ATXN7L1: variants seen among roughly 807,000 people sequenced by gnomAD.
ATXN7L1 encodes ataxin-7-like protein 1.
Under a neutral mutation model 70.8 loss-of-function variants are expected in ATXN7L1, and 15 were observed. The observed-to-expected ratio is 0.21, with a 90% CI of 0.14 to 0.33. The LOEUF is 0.33. Among genes scored for constraint, ATXN7L1 ranks in the 10% least tolerant of loss-of-function variants. The pLI is 1.00. For missense variants in ATXN7L1, 975 were observed against 1,097.1 expected (o/e 0.89, Z 1.57); for synonymous variants, 440 against 445.1 (o/e 0.99, Z 0.14).
chr7:105,735,351 C>G (rs1222563892), intron 3 of ATXN7L1, among the ~76,000 whole-genome samples: 2 of 152,196 alleles, frequency 1.3e-5, no homozygotes, highest in Non-Finnish European at 2.9e-5. Flanking sequence ...GACCTTCCAT[C>G]AAGTTATGCG....
chr7:105,685,205 C>T (rs372785179), intron 3 of ATXN7L1, among the ~76,000 whole-genome samples: 101 of 152,282 alleles, frequency 6.6e-4, no homozygotes, highest in African/African-American at 2.3e-3. Flanking sequence ...CAAATCCCGG[C>T]TCTCCTTCCA....
intron 3 of ATXN7L1, among the ~76,000 whole-genome samples, chr7:105,699,468 T>G (rs1210650929): frequency 6.6e-6 from 1 of 152,220 alleles, no homozygotes; most frequent in Admixed American, 6.5e-5. Flanking sequence ...TGGTATACTT[T>G]GAATGTTACT....
intron 3 of ATXN7L1, among the ~76,000 whole-genome samples, chr7:105,763,111 G>A (rs1260194511): frequency 6.6e-6 from 1 of 152,254 alleles, no homozygotes; most frequent in Non-Finnish European, 1.5e-5. Context: ...AGACAACACA[G>A]ATTTGTTGTT....
chr7:105,783,530 C>T (rs765781593), intron 3 of ATXN7L1, among the ~76,000 whole-genome samples: 1 of 151,986 alleles, frequency 6.6e-6, no homozygotes, highest in Non-Finnish European at 1.5e-5. Context: ...CACCAATGGC[C>T]AATGATTTAA....
intron 4 of ATXN7L1, among the ~76,000 whole-genome samples, chr7:105,646,553 G>GATT (rs1340056744): frequency 6.6e-6 from 1 of 152,070 alleles, no homozygotes; most frequent in Non-Finnish European, 1.5e-5. Flanking sequence ...AAGTAACTGG[G>GATT]ATTATAGGCA....
intron 2 of ATXN7L1, among the ~76,000 whole-genome samples, chr7:105,831,522 G>A (rs2116588187): frequency 6.6e-6 from 1 of 152,290 alleles, no homozygotes; most frequent in South Asian, 2.1e-4. Flanking sequence ...AAAGTGCTCT[G>A]GGATGCTTTT....
chr7:105,717,335 T>G (rs893787243), intron 3 of ATXN7L1, among the ~76,000 whole-genome samples: 117 of 152,042 alleles, frequency 7.7e-4, no homozygotes, highest in African/African-American at 2.8e-3. Flanking sequence ...GCCATGTTAG[T>G]CAGGCTGGTC....
rs1157761655 is a variant in ATXN7L1, at chr7:105,610,554, A to G, written c.2522T>C (p.Ile841Thr). Residue 841 changes from isoleucine to threonine, a missense_variant, in exon 11 of 12, where the codon ATA becomes ACA. By Grantham distance (89) the Ile-to-Thr change is moderately conservative. Around this residue, in one of 5 missense-constraint regions of ATXN7L1, gnomAD observed 635 missense variants for 699.4 expected, o/e 0.91. Coordinates refer to ENST00000419735, the MANE Select transcript of ATXN7L1 (RefSeq NM_020725.2). ...CTGTCGGCTGTGTCCTGGGCTGGAT[A>G]TACTTGAAGGACTGGATTGTGACAA... is the stretch of plus-strand genomic sequence containing the variant. ...LALSQSSPSS[I>T]SSPGHSRQNT... is the part of the protein sequence containing the mutation. 2 of 1,549,672 alleles carry G rather than the reference A, an allele frequency of 1.3e-6. No individual in the cohort carries two copies. Among genetic ancestry groups the G allele is most frequent in the Non-Finnish European group, 1.7e-6 (2 of 1,146,518 alleles).
intron 3 of ATXN7L1, among the ~76,000 whole-genome samples, chr7:105,683,418 G>A (rs1002479085): frequency 9.2e-5 from 14 of 152,150 alleles, no homozygotes; most frequent in Admixed American, 3.3e-4. Context: ...AGTGGGTCAT[G>A]CCTATAACCC....
chr7:105,714,787 T>C lies in ATXN7L1; in HGVS notation c.356-49499A>G, dbSNP rs1584808283. ...AAGCAATTCTCGTGCCTCAGCCTTC[T>C]GAGTAGCTGGGATTACAGGTGCCCA... is the stretch of plus-strand genomic sequence containing the variant. On this transcript the variant is annotated intron_variant, in intron 3 of 11. Coordinates refer to ENST00000419735, the MANE Select transcript of ATXN7L1 (RefSeq NM_020725.2). 3.9e-5 allele frequency among the ~76,000 whole-genome samples: 6 copies of C among 152,298 alleles called. No individual in the cohort carries two copies. In the South Asian group the frequency reaches 1.0e-3, roughly 26 times the overall value.
intron 2 of ATXN7L1, among the ~76,000 whole-genome samples, chr7:105,794,788 T>C (rs868810095): frequency 6.6e-6 from 1 of 152,240 alleles, no homozygotes; most frequent in Non-Finnish European, 1.5e-5. Flanking sequence ...ATTAGGTTAC[T>C]GGAGTTCTTT....
intron 2 of ATXN7L1, among the ~76,000 whole-genome samples, chr7:105,821,398 A>T (rs1479837073): frequency 6.6e-6 from 1 of 152,202 alleles, no homozygotes; most frequent in African/African-American, 2.4e-5. Flanking sequence ...CATGCAAAAA[A>T]ACTGACTAAC....
chr7:105,731,911 G>A (rs1796618418), intron 3 of ATXN7L1, among the ~76,000 whole-genome samples: 1 of 151,512 alleles, frequency 6.6e-6, no homozygotes, highest in Admixed American at 6.6e-5. Flanking sequence ...TGGCCAATAT[G>A]GTGAAACTCC....
chr7:105,755,996 G>C (rs1296712877), intron 3 of ATXN7L1, among the ~76,000 whole-genome samples: 2 of 152,152 alleles, frequency 1.3e-5, no homozygotes, highest in East Asian at 3.9e-4. Context: ...TGGCTCCACA[G>C]TCTTTGTGTC....
At chr7:105,635,528 A>C (rs573694950) in intron 7 of ATXN7L1, among the ~76,000 whole-genome samples, 28 of 152,334 alleles carry the variant, frequency 1.8e-4, no homozygotes, top group African/African-American at 6.3e-4. Flanking sequence ...TCTGTTGTAC[A>C]GATGAGCAAT....
chr7:105,850,784 C>T (rs1008446184), intron 2 of ATXN7L1, among the ~76,000 whole-genome samples: 1 of 152,128 alleles, frequency 6.6e-6, no homozygotes, highest in African/African-American at 2.4e-5. Flanking sequence ...CTCCCGGTTT[C>T]CCATCTCCCC....
intron 3 of ATXN7L1, among the ~76,000 whole-genome samples, chr7:105,785,928 C>G (rs1275597756): frequency 6.6e-6 from 1 of 152,148 alleles, no homozygotes; most frequent in South Asian, 2.1e-4. Context: ...TATAAGCCAC[C>G]TAGTCTATGA....
chr7:105,696,812 G>T (rs989778639), intron 3 of ATXN7L1, among the ~76,000 whole-genome samples: 2 of 152,202 alleles, frequency 1.3e-5, no homozygotes, highest in African/African-American at 2.4e-5. Flanking sequence ...TGGGGGACCT[G>T]CCCCGAAAAT....
chr7:105,863,471 G>A (rs944778456), intron 2 of ATXN7L1, among the ~76,000 whole-genome samples: 2 of 152,218 alleles, frequency 1.3e-5, no homozygotes, highest in African/African-American at 4.8e-5. Flanking sequence ...CAGGTGCCCA[G>A]GTGCAACACT....
Sources: gnomAD v4.1 joint callset for allele counts (sites outside exome capture counted in the v4.1 genomes callset) on GRCh38, gnomAD v4.1.1 for gene constraint, gnomAD v4.1.1 regional missense constraint, MANE v1.5 for transcripts, NCBI Gene and HGNC (gene_info 2026-07-23, HGNC 2026-07-21) for gene names.